PDE1C: variants seen among roughly 807,000 people sequenced by gnomAD.
The protein encoded by PDE1C is dual specificity calcium/calmodulin-dependent 3',5'-cyclic nucleotide phosphodiesterase 1C.
Under a neutral mutation model 93.1 loss-of-function variants are expected in PDE1C, and 62 were observed. The ratio of observed to expected loss-of-function variants is 0.67; its 90% confidence interval spans 0.54 to 0.82. The LOEUF (loss-of-function observed/expected upper bound fraction) is 0.82. Ranked by LOEUF, PDE1C falls within the 40% of genes least tolerant of loss-of-function variation. The probability of loss-of-function intolerance (pLI) is 0.00; values close to 1 mark genes in which losing one functional copy is unlikely to be tolerated. For synonymous variants in PDE1C, 325 were observed against 310.1 expected (o/e 1.05, Z -0.50); for missense variants, 742 against 884.6 (o/e 0.84, Z 2.04).
intron 1 of PDE1C, among the ~76,000 whole-genome samples, chr7:32,256,660 A>G (rs1397118287): frequency 6.6e-6 from 1 of 152,190 alleles, no homozygotes; most frequent in Non-Finnish European, 1.5e-5. Context: ...GGGTCTGATC[A>G]GTCCCATGGA....
chr7:32,315,127 G>A (rs986187065), intron 1 of PDE1C, among the ~76,000 whole-genome samples: 31 of 150,596 alleles, frequency 2.1e-4, no homozygotes, highest in Non-Finnish European at 4.1e-4. Flanking sequence ...CACAAAGTAG[G>A]ATGCAATAGA....
intron 3 of PDE1C, among the ~76,000 whole-genome samples, chr7:32,142,001 C>G (rs746766886): frequency 6.6e-6 from 1 of 152,082 alleles, no homozygotes; most frequent in Non-Finnish European, 1.5e-5. Context: ...TTTAGTTTGT[C>G]CATGACCACA....
intron 6 of PDE1C, among the ~76,000 whole-genome samples, chr7:31,872,996 G>A (rs1796126690): frequency 6.6e-6 from 1 of 152,134 alleles, no homozygotes; most frequent in Non-Finnish European, 1.5e-5. Context: ...TGAGACCTTT[G>A]GGCAGAGCCT....
chr7:31,839,366 T>C (rs967321031), intron 9 of PDE1C, among the ~76,000 whole-genome samples: 28 of 151,724 alleles, frequency 1.8e-4, no homozygotes, highest in Admixed American at 8.6e-4. Context: ...ACGCATTATA[T>C]ATTAACACAG....
intron 2 of PDE1C, among the ~76,000 whole-genome samples, chr7:32,198,063 G>C (rs1018288969): frequency 2.0e-5 from 3 of 152,036 alleles, no homozygotes; most frequent in African/African-American, 7.2e-5. Context: ...ATAATGGTTA[G>C]TCCTTGTATC....
intron 2 of PDE1C, among the ~76,000 whole-genome samples, chr7:32,028,063 C>T (rs1208404395): frequency 2.6e-5 from 4 of 152,126 alleles, no homozygotes; most frequent in African/African-American, 4.8e-5. Flanking sequence ...TAGAGCAGGG[C>T]TGTCCAACAG....
intron 15 of PDE1C, 120 bp from the exon 16 acceptor site, chr7:31,809,228 T>C: frequency 1.7e-6 from 1 of 580,518 alleles, no homozygotes; most frequent in Admixed American, 2.8e-5. Flanking sequence ...TAAGAGTGTA[T>C]GTGTCTGAGT....
chr7:31,963,579 A>G (rs1809395005), intron 2 of PDE1C, among the ~76,000 whole-genome samples: 1 of 152,192 alleles, frequency 6.6e-6, no homozygotes, highest in African/African-American at 2.4e-5. Flanking sequence ...TTGCTTGTAT[A>G]TTTATTCTGA....
Position 32,163,244 on chromosome 7 carries a change from G to A in PDE1C, c.308+6541C>T, listed in dbSNP as rs569701544. Reference sequence around the variant, plus strand: ...TTTAACCCATGACTCATCCCAGGGCGGGGCCGAAGCTCCAGGGGACGCTAC... The same window carrying A: ...TTTAACCCATGACTCATCCCAGGGCAGGGCCGAAGCTCCAGGGGACGCTAC... On this transcript the variant is annotated intron_variant, in intron 3 of 18. Transcript: ENST00000396193. 1.3e-3 allele frequency among the ~76,000 whole-genome samples: 197 copies of A among 152,246 alleles called. 1 individual carries two copies. Among genetic ancestry groups the A allele is most frequent in the African/African-American group, 4.3e-3 (180 of 41,548 alleles).
chr7:31,836,359 A>G (rs567385703), intron 11 of PDE1C, among the ~76,000 whole-genome samples: 8 of 152,200 alleles, frequency 5.3e-5, no homozygotes, highest in African/African-American at 1.9e-4. Flanking sequence ...TTTCTGAGAC[A>G]GAGTCTCGCG....
intron 17 of PDE1C, among the ~76,000 whole-genome samples, chr7:31,766,991 T>TG (rs1795186692): frequency 6.6e-6 from 1 of 152,236 alleles, no homozygotes; most frequent in African/African-American, 2.4e-5. Flanking sequence ...AGTCTGTCTG[T>TG]GGGTGCCATC....
intron 1 of PDE1C, among the ~76,000 whole-genome samples, chr7:32,354,416 C>CA (rs933920861): frequency 1.3e-5 from 2 of 152,128 alleles, no homozygotes; most frequent in African/African-American, 4.8e-5. Flanking sequence ...CACTTGAGGC[C>CA]AGAAGTTTGA....
chr7:32,387,689 C>T (rs1562702030), intron 1 of PDE1C, among the ~76,000 whole-genome samples: 4 of 146,992 alleles, frequency 2.7e-5, no homozygotes, highest in African/African-American at 5.1e-5. Context: ...CTGACCCCCC[C>T]CACCTCCCTC....
intron 2 of PDE1C, among the ~76,000 whole-genome samples, chr7:31,978,528 T>C (rs1345615419): frequency 6.6e-6 from 1 of 152,148 alleles, no homozygotes; most frequent in Admixed American, 6.5e-5. Flanking sequence ...GCAGCCCAGC[T>C]TTGCCAGAGA....
Position 31,828,899 on chromosome 7 carries a change from T to C in PDE1C, c.1204-526A>G, listed in dbSNP as rs112310648. On this transcript the variant is annotated intron_variant, in intron 11 of 17. Transcript: ENST00000396191. ...TCAGAGACCAGTCCATAATGAAAAGTGGACCAAAAAGAGAATAAATAATTG... is the reference window on the plus strand; with the variant it reads ...TCAGAGACCAGTCCATAATGAAAAGCGGACCAAAAAGAGAATAAATAATTG... Among the ~76,000 whole-genome samples the C allele has an allele frequency of 3.5e-3, 539 of 152,272 alleles. 1 individual carries two copies. The highest frequency in any genetic ancestry group is 6.8e-3 in the Middle Eastern group (2 of 294).
the PDE1C span, among the ~76,000 whole-genome samples, chr7:31,673,596 C>T: frequency 2.6e-5 from 4 of 151,938 alleles, no homozygotes; most frequent in Admixed American, 6.6e-5. Flanking sequence ...TTTTTACATT[C>T]AAAGATTTAA....
chr7:32,101,322 G>A (rs1798026762), intron 3 of PDE1C, among the ~76,000 whole-genome samples: 1 of 152,144 alleles, frequency 6.6e-6, no homozygotes, highest in African/African-American at 2.4e-5. Context: ...TTGGTTGTGT[G>A]TTTGGATTTC....
chr7:32,140,531 A>G (rs2128779999), intron 3 of PDE1C, among the ~76,000 whole-genome samples: 1 of 152,358 alleles, frequency 6.6e-6, no homozygotes, highest in South Asian at 2.1e-4. Flanking sequence ...GCTGTGATTC[A>G]TTTCAATTTT....
chr7:32,129,355 TA>T (rs1799793268), intron 3 of PDE1C, among the ~76,000 whole-genome samples: 1 of 123,658 alleles, frequency 8.1e-6, no homozygotes, highest in Non-Finnish European at 1.6e-5. Context: ...TAAAAAGATA[TA>T]AAAAATATTG....
Sources: gnomAD v4.1 joint callset for allele counts (sites outside exome capture counted in the v4.1 genomes callset) on GRCh38, gnomAD v4.1.1 for gene constraint, MANE v1.5 for transcripts, NCBI Gene and HGNC (gene_info 2026-07-23, HGNC 2026-07-21) for gene names.